The following COL25A1 variants were observed in gnomAD, a reference collection of about 807,000 sequenced individuals.
COL25A1 encodes the protein collagen alpha-1(XXV) chain.
In COL25A1, 103 loss-of-function variants were observed where a neutral mutation model predicts 128.4. The ratio of observed to expected loss-of-function variants is 0.80; its 90% CI spans 0.68 to 0.94. The LOEUF (loss-of-function observed/expected upper bound fraction) is 0.94. Among genes scored for constraint, COL25A1 ranks in the 40% least tolerant of loss-of-function variants. The pLI is 0.00. For missense variants in COL25A1, 745 were observed against 840.0 expected (o/e 0.89, Z 1.40); for synonymous variants, 279 against 277.2 (o/e 1.01, Z -0.06).
intron 35 of COL25A1, among the ~76,000 whole-genome samples, chr4:108,822,966 A>T (rs1241146910): frequency 6.6e-6 from 1 of 152,184 alleles, no homozygotes; most frequent in Non-Finnish European, 1.5e-5. Flanking sequence ...AAATGTGATG[A>T]TACTGGTGAT....
chr4:108,994,625 G>A (rs145899123), intron 6 of COL25A1, among the ~76,000 whole-genome samples: 134 of 152,318 alleles, frequency 8.8e-4, no homozygotes, highest in African/African-American at 3.1e-3. Context: ...CTCTCAGAAC[G>A]ACGTTCAAGC....
At chr4:109,054,480 A>T (rs1006557928) in intron 3 of COL25A1, among the ~76,000 whole-genome samples, 6 of 152,314 alleles carry the variant, frequency 3.9e-5, no homozygotes, top group Non-Finnish European at 7.4e-5. Flanking sequence ...CTTATAAACC[A>T]TTTCCGTGCT....
intron 3 of COL25A1, among the ~76,000 whole-genome samples, chr4:109,203,532 G>C: frequency 6.6e-6 from 1 of 152,016 alleles, no homozygotes; most frequent in Admixed American, 6.6e-5. Flanking sequence ...GGAAGCTTCA[G>C]GAAAGCAATT....
chr4:109,175,316 A>G (rs2126136830), intron 3 of COL25A1, among the ~76,000 whole-genome samples: 1 of 152,348 alleles, frequency 6.6e-6, no homozygotes, highest in Middle Eastern at 3.4e-3. Flanking sequence ...TGCAGTTAAT[A>G]TATTTTGATT....
At chr4:108,858,860 A>G (rs544732423) in intron 24 of COL25A1, among the ~76,000 whole-genome samples, 5 of 152,296 alleles carry the variant, frequency 3.3e-5, no homozygotes, top group Admixed American at 6.5e-5. Flanking sequence ...ACAAAAAAAA[A>G]GTTTCAAAGG....
At chr4:109,160,105 C>T (rs1772414235) in intron 3 of COL25A1, among the ~76,000 whole-genome samples, 1 of 152,108 alleles carries the variant, frequency 6.6e-6, no homozygotes, top group African/African-American at 2.4e-5. Flanking sequence ...AGACACCATG[C>T]TTGGAAAGGA....
intron 33 of COL25A1, among the ~76,000 whole-genome samples, chr4:108,825,501 T>C (rs1732266199): frequency 6.6e-6 from 1 of 152,152 alleles, no homozygotes; most frequent in Non-Finnish European, 1.5e-5. Flanking sequence ...TAAAAAATAC[T>C]GTTTAGTTGA....
intron 33 of COL25A1, 49 bp from the exon 34 acceptor site, chr4:108,825,271 T>C (rs371147948): frequency 2.0e-6 from 3 of 1,478,814 alleles, no homozygotes; most frequent in Non-Finnish European, 2.8e-6. Flanking sequence ...GTTTTGTGAA[T>C]AGATTATTGC....
chr4:109,265,978 T>C (rs1235294991), intron 3 of COL25A1, among the ~76,000 whole-genome samples: 1 of 152,124 alleles, frequency 6.6e-6, no homozygotes, highest in Non-Finnish European at 1.5e-5. Context: ...CAGGTACTTT[T>C]CTTCCTGCTA....
intron 3 of COL25A1, among the ~76,000 whole-genome samples, chr4:109,239,310 T>C (rs559846123): frequency 3.4e-4 from 51 of 147,872 alleles, no homozygotes; most frequent in African/African-American, 1.1e-3. Flanking sequence ...ATATTATATT[T>C]ATATTATAGT....
intron 3 of COL25A1, among the ~76,000 whole-genome samples, chr4:109,186,006 G>A (rs1021810380): frequency 1.6e-4 from 25 of 152,172 alleles, no homozygotes; most frequent in Non-Finnish European, 1.8e-4. Flanking sequence ...GTGGCAGCGT[G>A]GGCAAACTAA....
At chr4:109,219,112 C>A (rs994515801) in intron 3 of COL25A1, among the ~76,000 whole-genome samples, 5 of 152,068 alleles carry the variant, frequency 3.3e-5, no homozygotes, top group African/African-American at 9.7e-5. Flanking sequence ...TGTCTATGAT[C>A]CTCACTTGGA....
intron 8 of COL25A1, among the ~76,000 whole-genome samples, chr4:108,969,593 C>A (rs1329557812): frequency 6.6e-6 from 1 of 152,158 alleles, no homozygotes; most frequent in African/African-American, 2.4e-5. Flanking sequence ...ACTTTGGAAT[C>A]TCTTTCTTGG....
chr4:109,298,253 G>C (rs936584341), intron 3 of COL25A1, among the ~76,000 whole-genome samples: 1 of 151,990 alleles, frequency 6.6e-6, no homozygotes, highest in African/African-American at 2.4e-5. Flanking sequence ...GTTCCTTTTT[G>C]TGCATAAAAA....
At chr4:109,242,266 T>G (rs531472042) in intron 3 of COL25A1, among the ~76,000 whole-genome samples, 1 of 152,192 alleles carries the variant, frequency 6.6e-6, no homozygotes, top group African/African-American at 2.4e-5. Context: ...CACTAACAAT[T>G]TTTCTAACAG....
intron 5 of COL25A1, among the ~76,000 whole-genome samples, chr4:109,020,691 CTCTTA>C (rs1176720833): frequency 1.2e-4 from 18 of 152,120 alleles, no homozygotes; most frequent in African/African-American, 4.3e-4. Context: ...TATTTTTTCT[CTCTTA>C]TAACTAACAT....
intron 6 of COL25A1, among the ~76,000 whole-genome samples, chr4:109,000,439 T>C (rs578133489): frequency 6.6e-6 from 1 of 152,214 alleles, no homozygotes; most frequent in African/African-American, 2.4e-5. Context: ...CCCTCTATTT[T>C]AATTGTAAAG....
At chr4:109,069,677 G>T (rs748059111) in intron 3 of COL25A1, among the ~76,000 whole-genome samples, 1 of 152,154 alleles carries the variant, frequency 6.6e-6, no homozygotes, top group African/African-American at 2.4e-5. Context: ...GAATTGGGAC[G>T]TGCAGTGCAA....
chr4:108,984,543 G>GA (rs1753439402), intron 6 of COL25A1, among the ~76,000 whole-genome samples: 1 of 152,218 alleles, frequency 6.6e-6, no homozygotes, highest in South Asian at 2.1e-4. Context: ...TGCCCCGCGG[G>GA]AAGGCAGCTA....
Sources: gnomAD v4.1 joint callset for allele counts (sites outside exome capture counted in the v4.1 genomes callset) on GRCh38, gnomAD v4.1.1 for gene constraint, MANE v1.5 for transcripts, NCBI Gene and HGNC (gene_info 2026-07-23, HGNC 2026-07-21) for gene names.